The following AFF3 variants were observed in gnomAD, a reference collection of about 807,000 sequenced individuals.
AFF3 encodes the protein ALF transcription elongation factor 3, also known as AF4/FMR2 family member 3.
AFF3 carries 32 observed loss-of-function variants against 129.7 expected under a neutral mutation model. That is an observed-to-expected ratio of 0.25 (90% confidence interval 0.19 to 0.33). AFF3 has a LOEUF of 0.33. AFF3 is among the 10% of genes least tolerant of loss of function. The probability of loss-of-function intolerance (pLI) is 1.00; values close to 1 mark genes in which losing one functional copy is unlikely to be tolerated. For synonymous variants in AFF3, 644 were observed against 635.4 expected, an observed-to-expected ratio of 1.01 and a Z score of -0.20; for missense variants, 1,373 against 1,592.0, an observed-to-expected ratio of 0.86 and a Z score of 2.34.
chr2:100,005,741 G>A (rs764633542), intron 7 of AFF3, among the ~76,000 whole-genome samples: 10 of 152,036 alleles, frequency 6.6e-5, no homozygotes, highest in African/African-American at 1.7e-4. Context: ...CTATCAGTCC[G>A]TGGTGATCTC....
At chr2:100,050,625 C>T (rs1686233120) in intron 4 of AFF3, among the ~76,000 whole-genome samples, 1 of 152,208 alleles carries the variant, frequency 6.6e-6, no homozygotes, top group Admixed American at 6.5e-5. Context: ...AGGTCCACTA[C>T]ACAGCACTGT....
Position 99,834,509 on chromosome 2 carries a change from T to C in AFF3, c.921+2968A>G, listed in dbSNP as rs72819117. The stretch of plus-strand genomic sequence containing the variant: ...AGGGAGCTGAAGGGAAGTTACAGCC[T>C]TTCCTCCCAAGAAGTCTCTAAATTC... On this transcript the variant is annotated intron_variant, in intron 8 of 24. Coordinates refer to ENST00000672756, the MANE Select transcript of AFF3 (RefSeq NM_001386135.1). Among the ~76,000 whole-genome samples the C allele has an allele frequency of 8.2e-3, 1,244 of 152,314 alleles. 3 individuals carry two copies. Among genetic ancestry groups the C allele is most frequent in the Middle Eastern group, 0.024 (7 of 294 alleles).
intron 4 of AFF3, among the ~76,000 whole-genome samples, chr2:100,049,548 A>C (rs1439124527): frequency 6.6e-6 from 1 of 152,188 alleles, no homozygotes; most frequent in African/African-American, 2.4e-5. Context: ...ACTGTGCACT[A>C]GATATTATTA....
At chr2:100,119,730 A>C (rs554219490) in intron 2 of AFF3, among the ~76,000 whole-genome samples, 15 of 152,188 alleles carry the variant, frequency 9.9e-5, no homozygotes, top group Non-Finnish European at 1.5e-4. Flanking sequence ...ACAGGGGACA[A>C]ACTATTTAAT....
chr2:99,708,652 T>A (rs1322362279), intron 11 of AFF3, among the ~76,000 whole-genome samples: 1 of 152,214 alleles, frequency 6.6e-6, no homozygotes, highest in African/African-American at 2.4e-5. Context: ...TAATAGTGAT[T>A]ATTAGAAAAC....
chr2:100,053,439 A>G (rs1256889103), intron 4 of AFF3, among the ~76,000 whole-genome samples: 6 of 152,260 alleles, frequency 3.9e-5, no homozygotes, highest in Non-Finnish European at 8.8e-5. Flanking sequence ...TTCCTCCAAC[A>G]TGAAGAAAAT....
At chr2:99,909,895 A>G (rs1694997026) in intron 7 of AFF3, among the ~76,000 whole-genome samples, 1 of 152,190 alleles carries the variant, frequency 6.6e-6, no homozygotes, top group Admixed American at 6.5e-5. Context: ...GTGGATAAAC[A>G]CAGTGTTATG....
intron 7 of AFF3, among the ~76,000 whole-genome samples, chr2:99,991,902 C>CAA (rs199674125): frequency 1.5e-5 from 2 of 130,548 alleles, no homozygotes; most frequent in African/African-American, 3.3e-5. Flanking sequence ...GATTTTGTCT[C>CAA]AAAAACAAAA....
At position 99,601,458 on chromosome 2, in the gene AFF3, G is replaced by A. The variant is rs762811475; in HGVS notation, c.1348C>T (p.Pro450Ser). The A allele has an allele frequency of 1.9e-6, 3 of 1,608,514 alleles. No individual in the cohort carries two copies. The highest frequency in any genetic ancestry group is 2.5e-6 in the Non-Finnish European group (3 of 1,177,014). Residue 450 changes from proline (P) to serine (S), a missense_variant, in exon 14 of 25, where the codon CCC (proline) becomes TCC (serine). Around this residue, in one of 9 missense-constraint regions of AFF3, gnomAD observed 413 missense variants for 424.4 expected, o/e 0.97. Coordinates refer to ENST00000672756, the MANE Select transcript of AFF3 (RefSeq NM_001386135.1). ...SSSSESEGSK[P>S]PHFSSPEAEP... ...ACCTCGGGGCTGGAGAAGTGGGGGG[G>A]CTTGCTGCCCTCACTCTCGCTGGAG...
chr2:99,551,152 C>A lies in AFF3; in HGVS notation c.*322G>T. On this transcript the variant is annotated 3_prime_UTR_variant, in exon 25 of 25. Transcript: ENST00000672756. ...GTGTCTGTGATTGTGTGTGAGTGTA[C>A]GGTGTGTGTGTGTGTGTGTGTGTGT... The A allele has an allele frequency of 2.5e-6, 1 of 405,360 alleles. No individual in the cohort carries two copies. Among genetic ancestry groups the A allele is most frequent in the East Asian group, 3.4e-5 (1 of 29,702 alleles). The allele number at this position is 405,360 out of a possible 1,614,324, so 25.1% of individuals were successfully genotyped here.
In AFF3 at chr2:99,734,630, C is replaced by T. The variant is rs1364874074; in HGVS notation, c.1040-7502G>A. ...TTTTTCTTAATTTATTGAAACAATC[C>T]TATTTTTCTTTTAATATTTTAATAT... On this transcript the variant is annotated intron_variant, in intron 10 of 24. Coordinates refer to ENST00000672756, the MANE Select transcript of AFF3 (RefSeq NM_001386135.1). 3.3e-5 allele frequency among the ~76,000 whole-genome samples: 5 copies of T among 151,668 alleles called. No homozygotes were observed. The South Asian group carries it at 8.3e-4, about 25-fold the overall frequency.
At chr2:99,975,182 C>T (rs899133647) in intron 7 of AFF3, among the ~76,000 whole-genome samples, 2 of 152,208 alleles carry the variant, frequency 1.3e-5, no homozygotes, top group African/African-American at 4.8e-5. Flanking sequence ...TTTCTCTTGA[C>T]AGCCATTGGG....
intron 16 of AFF3, among the ~76,000 whole-genome samples, chr2:99,584,539 A>G (rs1677906519): frequency 6.6e-6 from 1 of 152,202 alleles, no homozygotes; most frequent in African/African-American, 2.4e-5. Context: ...TCTGATTCCT[A>G]ACTCCTTATT....
chr2:99,886,819 G>A (rs115085933), intron 7 of AFF3, among the ~76,000 whole-genome samples: 1 of 152,140 alleles, frequency 6.6e-6, no homozygotes, highest in African/African-American at 2.4e-5. Context: ...AGCAGTATTT[G>A]TGAAAATTTT....
intron 13 of AFF3, among the ~76,000 whole-genome samples, chr2:99,611,183 A>AC (rs1026365736): frequency 3.4e-4 from 52 of 150,798 alleles, no homozygotes; most frequent in South Asian, 1.7e-3. Flanking sequence ...TTGTGGTGAG[A>AC]CCCCCCCTAC....
intron 11 of AFF3, among the ~76,000 whole-genome samples, chr2:99,704,041 G>C (rs770676007): frequency 9.9e-5 from 15 of 152,046 alleles, no homozygotes; most frequent in Non-Finnish European, 2.1e-4. Flanking sequence ...CCTCCATTTA[G>C]ATCTCTGTAT....
chr2:99,845,266 T>G (rs1689639932), intron 7 of AFF3, among the ~76,000 whole-genome samples: 1 of 152,224 alleles, frequency 6.6e-6, no homozygotes, highest in African/African-American at 2.4e-5. Flanking sequence ...GCTAATAATT[T>G]TCTGTCAGAT....
chr2:99,672,429 C>T (rs1687247503), intron 12 of AFF3, 109 bp downstream of exon 12: 2 of 989,372 alleles, frequency 2.0e-6, no homozygotes, highest in South Asian at 1.5e-5. Flanking sequence ...GACAAAAGAC[C>T]AGCAGCCTGG....
chr2:99,935,188 C>A (rs562052542), intron 7 of AFF3, among the ~76,000 whole-genome samples: 3 of 152,270 alleles, frequency 2.0e-5, no homozygotes, highest in South Asian at 4.1e-4. Flanking sequence ...GCCATGAAGA[C>A]CCATCAGAAT....
Sources: gnomAD v4.1 joint callset for allele counts (sites outside exome capture counted in the v4.1 genomes callset) on GRCh38, gnomAD v4.1.1 for gene constraint, gnomAD v4.1.1 regional missense constraint, MANE v1.5 for transcripts, NCBI Gene and HGNC (gene_info 2026-07-23, HGNC 2026-07-21) for gene names.